Variants in DLGAP2 observed in about 807,000 individuals in gnomAD.
The protein encoded by DLGAP2 is disks large-associated protein 2.
DLGAP2 carries 26 observed loss-of-function variants against 100.3 expected under a neutral mutation model. The observed-to-expected ratio is 0.26, with a 90% CI of 0.19 to 0.36. The LOEUF (loss-of-function observed/expected upper bound fraction) is 0.36. DLGAP2 is among the 10% of genes least tolerant of loss of function. The pLI is 1.00. For missense variants in DLGAP2, 1,858 were observed against 1,453.2 expected (o/e 1.28, Z -4.53); for synonymous variants, 886 against 630.1 (o/e 1.41, Z -6.08).
At chr8:1,500,189 A>G (rs1461390023) in intron 3 of DLGAP2, among the ~76,000 whole-genome samples, 2 of 152,222 alleles carry the variant, frequency 1.3e-5, no homozygotes, top group Non-Finnish European at 2.9e-5. Flanking sequence ...TTACATGCAC[A>G]TGTAACGTGG....
intron 3 of DLGAP2, among the ~76,000 whole-genome samples, chr8:1,306,620 C>G (rs2117007356): frequency 1.3e-5 from 2 of 152,120 alleles, no homozygotes; most frequent in Middle Eastern, 3.4e-3. Flanking sequence ...GTTGGAGTCT[C>G]ACACTTCCTG....
intron 2 of DLGAP2, among the ~76,000 whole-genome samples, chr8:1,183,505 T>C (rs536212347): frequency 6.6e-6 from 1 of 152,354 alleles, no homozygotes; most frequent in Non-Finnish European, 1.5e-5. Flanking sequence ...TTCCAAGCCC[T>C]GGAAATATCC....
chr8:1,672,854 G>A (rs757575934), intron 10 of DLGAP2, among the ~76,000 whole-genome samples: 8 of 152,260 alleles, frequency 5.3e-5, no homozygotes, highest in Non-Finnish European at 7.3e-5. Context: ...GCCCTGCTAT[G>A]TGTGAGGTGT....
intron 3 of DLGAP2, among the ~76,000 whole-genome samples, chr8:1,279,004 T>C (rs866619783): frequency 3.2e-4 from 48 of 152,298 alleles, no homozygotes; most frequent in Admixed American, 2.6e-4. Context: ...ATAGAAAATA[T>C]AAAGAACATA....
chr8:851,291 G>A (rs1021500282), intron 1 of DLGAP2, among the ~76,000 whole-genome samples: 1 of 152,154 alleles, frequency 6.6e-6, no homozygotes, highest in South Asian at 2.1e-4. Context: ...TCTGATGTTC[G>A]CACCCTGACA....
intron 2 of DLGAP2, among the ~76,000 whole-genome samples, chr8:987,159 T>C (rs545444642): frequency 6.6e-6 from 1 of 152,162 alleles, no homozygotes; most frequent in East Asian, 1.9e-4. Context: ...TCCTATTCAG[T>C]GGTGCCACCG....
intron 3 of DLGAP2, among the ~76,000 whole-genome samples, chr8:1,321,711 A>G (rs906641815): frequency 4.6e-5 from 7 of 152,052 alleles, no homozygotes; most frequent in Non-Finnish European, 1.0e-4. Flanking sequence ...TTTCTCTAGA[A>G]CTCGGCTTCC....
chr8:1,274,436 CATAAACCATAAAAT>C (rs1799642472), intron 3 of DLGAP2, among the ~76,000 whole-genome samples: 2 of 150,444 alleles, frequency 1.3e-5, no homozygotes, highest in African/African-American at 4.9e-5. Context: ...TGTTTTAGAA[CATAAACCATAAAAT>C]GAGTGACTTT....
chr8:1,624,547 C>G (rs1042817065), intron 6 of DLGAP2, among the ~76,000 whole-genome samples: 4 of 151,894 alleles, frequency 2.6e-5, no homozygotes, highest in Non-Finnish European at 5.9e-5. Flanking sequence ...GACCGTGTCT[C>G]AGGATGCTGT....
intron 1 of DLGAP2, among the ~76,000 whole-genome samples, chr8:858,569 C>T (rs1176586545): frequency 4.0e-5 from 6 of 148,888 alleles, no homozygotes; most frequent in African/African-American, 1.3e-4. Context: ...GTGATGCTGT[C>T]ACCGTGGGGA....
intron 2 of DLGAP2, among the ~76,000 whole-genome samples, chr8:1,116,330 C>T (rs1043765944): frequency 3.9e-5 from 6 of 152,262 alleles, no homozygotes; most frequent in South Asian, 2.1e-4. Context: ...ACAGCCTGGA[C>T]GAAGAGTGAG....
At chr8:1,487,025 G>C (rs574509150) in intron 3 of DLGAP2, among the ~76,000 whole-genome samples, 17 of 152,320 alleles carry the variant, frequency 1.1e-4, no homozygotes, top group Admixed American at 5.2e-4. Context: ...TTTCAGGTCA[G>C]GAGCTCTGTA....
chr8:1,144,544 TC>T (rs1796573619), intron 2 of DLGAP2, among the ~76,000 whole-genome samples: 1 of 152,216 alleles, frequency 6.6e-6, no homozygotes, highest in South Asian at 2.1e-4. Context: ...CTCCATCCTT[TC>T]GACCACCTCC....
At chr8:1,027,820 C>G (rs1382217875) in intron 2 of DLGAP2, among the ~76,000 whole-genome samples, 4 of 132,858 alleles carry the variant, frequency 3.0e-5, no homozygotes, top group African/African-American at 5.8e-5. Flanking sequence ...CGTTATTCTC[C>G]AGGTGGGGTG....
chr8:1,143,430 A>G (rs1796555234), intron 2 of DLGAP2, among the ~76,000 whole-genome samples: 1 of 152,106 alleles, frequency 6.6e-6, no homozygotes, highest in African/African-American at 2.4e-5. Flanking sequence ...TTTTGGTTCC[A>G]CGGTTTCTTT....
chr8:967,957 C>T (rs761143278), intron 2 of DLGAP2, among the ~76,000 whole-genome samples: 1 of 146,076 alleles, frequency 6.8e-6, no homozygotes, highest in Non-Finnish European at 1.5e-5. Flanking sequence ...TTCTTTACGT[C>T]AGTATCTTCA....
intron 3 of DLGAP2, among the ~76,000 whole-genome samples, chr8:1,447,117 T>G (rs1420854950): frequency 6.6e-6 from 1 of 152,242 alleles, no homozygotes; most frequent in Non-Finnish European, 1.5e-5. Flanking sequence ...TGGCCAGAAC[T>G]TCCAGCACTA....
At chr8:756,783 T>C (rs1479599705) in intron 1 of DLGAP2, among the ~76,000 whole-genome samples, 1 of 152,128 alleles carries the variant, frequency 6.6e-6, no homozygotes, top group Non-Finnish European at 1.5e-5. Context: ...AGGAGAACGT[T>C]CTTTTAGCAG....
rs528524957 is a variant in DLGAP2, at chr8:1,003,940, C to G, written c.73+95974C>G. 1.2e-3 allele frequency among the ~76,000 whole-genome samples: 190 copies of G among 152,272 alleles called. 2 individuals are homozygous for G. Among genetic ancestry groups the G allele is most frequent in the African/African-American group, 4.3e-3 (179 of 41,548 alleles). On this transcript the variant is annotated intron_variant, in intron 2 of 14. Transcript: ENST00000637795. ...CAGCTTGTTTTAGCTTGGTGTCCCC[C>G]TCCCAAAAGATTGTAAATTATTCCA...
Sources: gnomAD v4.1 joint callset for allele counts (sites outside exome capture counted in the v4.1 genomes callset) on GRCh38, gnomAD v4.1.1 for gene constraint, MANE v1.5 for transcripts, NCBI Gene and HGNC (gene_info 2026-07-23, HGNC 2026-07-21) for gene names.